Variants in SYNJ1 observed in about 807,000 individuals in gnomAD.
SYNJ1 encodes polyphosphatidylinositol phosphatase SYNJ1.
In SYNJ1, 78 loss-of-function variants were observed where a neutral mutation model predicts 168.2. That is an observed-to-expected ratio of 0.46 (90% CI 0.39 to 0.56). SYNJ1 has a LOEUF of 0.56. Among genes scored for constraint, SYNJ1 ranks in the 20% least tolerant of loss-of-function variants. SYNJ1 has a pLI of 0.00. For missense variants in SYNJ1, 1,303 were observed against 1,597.6 expected, an observed-to-expected ratio of 0.82 and a Z score of 3.14; for synonymous variants, 539 against 548.6, an observed-to-expected ratio of 0.98 and a Z score of 0.24.
At chr21:32,693,709 A>C (rs1336692947) in intron 6 of SYNJ1, among the ~76,000 whole-genome samples, 1 of 152,198 alleles carries the variant, frequency 6.6e-6, no homozygotes, top group Non-Finnish European at 1.5e-5. Flanking sequence ...AAGTGCTTTT[A>C]ATTTAATCCT....
At position 32,631,385 on chromosome 21, in the gene SYNJ1, C is replaced by T; in HGVS notation, c.*420G>A. 6.2e-7 allele frequency: 1 copy of T among 1,614,158 alleles called. No individual in the cohort carries two copies. Among genetic ancestry groups the T allele is most frequent in the Non-Finnish European group, 8.5e-7 (1 of 1,180,034 alleles). On this transcript the variant is annotated 3_prime_UTR_variant, in exon 33 of 33. Transcript: ENST00000674351. ...TGCTTTTGTTATGACCAAGAGGCTG[C>T]AGAGAAGGGAAAGGACTGATAGTAA...
At chr21:32,678,903 AG>A in intron 11 of SYNJ1, 102 bp from the exon 12 acceptor site, 2 of 1,467,284 alleles carry the variant, frequency 1.4e-6, no homozygotes, top group African/African-American at 1.5e-5. Flanking sequence ...ATATGATTTT[AG>A]TATAAAAAAG....
chr21:32,632,715 G>C (rs927075589), intron 32 of SYNJ1, among the ~76,000 whole-genome samples: 2 of 152,116 alleles, frequency 1.3e-5, no homozygotes, highest in African/African-American at 4.8e-5. Context: ...GCTCTCCTTT[G>C]TTGAATAAAC....
intron 2 of SYNJ1, among the ~76,000 whole-genome samples, chr21:32,719,835 A>C (rs1347777606): frequency 6.8e-6 from 1 of 147,724 alleles, no homozygotes; most frequent in African/African-American, 2.5e-5. Context: ...TTTTTTCTGC[A>C]TTTTTTTTTT....
chr21:32,676,222 G>T, intron 13 of SYNJ1, 110 bp downstream of exon 13: 1 of 803,868 alleles, frequency 1.2e-6, no homozygotes, highest in South Asian at 2.4e-5. Flanking sequence ...AGGATCTGAT[G>T]GCAAAATGAG....
At chr21:32,634,732 T>C (rs936788313) in intron 32 of SYNJ1, 129 bp downstream of exon 32, 14 of 917,058 alleles carry the variant, frequency 1.5e-5, no homozygotes, top group East Asian at 2.7e-5. Context: ...TATGGTATGA[T>C]AGAATTTATT....
At chr21:32,652,857 A>C (rs2040322956) in intron 22 of SYNJ1, among the ~76,000 whole-genome samples, 1 of 152,242 alleles carries the variant, frequency 6.6e-6, no homozygotes, top group African/African-American at 2.4e-5. Flanking sequence ...TGTTTGAAGA[A>C]GATAACTAGG....
intron 12 of SYNJ1, among the ~76,000 whole-genome samples, chr21:32,676,613 G>A (rs539667957): frequency 7.9e-5 from 12 of 152,286 alleles, no homozygotes; most frequent in African/African-American, 1.7e-4. Flanking sequence ...CTAGGCCTGC[G>A]CTTCTGGCTG....
At chr21:32,723,959 T>C (rs1221502076) in intron 2 of SYNJ1, among the ~76,000 whole-genome samples, 14 of 152,062 alleles carry the variant, frequency 9.2e-5, no homozygotes, top group Admixed American at 9.2e-4. Flanking sequence ...AAGACCTGAG[T>C]AGGACCTCGG....
chr21:32,694,403 C>T, intron 5 of SYNJ1, 92 bp from the exon 6 acceptor site: 15 of 888,046 alleles, frequency 1.7e-5, no homozygotes, highest in Non-Finnish European at 2.4e-5. Context: ...CTATTGCATA[C>T]TAGTTACATT....
chr21:32,646,223 T>G (rs975371121), intron 24 of SYNJ1, among the ~76,000 whole-genome samples, 170 bp downstream of exon 24: 2 of 152,250 alleles, frequency 1.3e-5, no homozygotes, highest in African/African-American at 2.4e-5. Flanking sequence ...GTGACAGTTA[T>G]AGCAAGTTTC....
intron 27 of SYNJ1, among the ~76,000 whole-genome samples, chr21:32,643,028 G>T (rs2039909945): frequency 6.6e-6 from 1 of 152,088 alleles, no homozygotes; most frequent in Non-Finnish European, 1.5e-5. Context: ...AATTAATAGG[G>T]TTTAATTATA....
At chr21:32,706,739 T>G (rs2146268451) in intron 2 of SYNJ1, among the ~76,000 whole-genome samples, 1 of 152,248 alleles carries the variant, frequency 6.6e-6, no homozygotes, top group Non-Finnish European at 1.5e-5. Flanking sequence ...GAAAAAAGAT[T>G]TCCTTATTTT....
Position 32,631,796 on chromosome 21 carries a change from T to C in SYNJ1, c.*9A>G, listed in dbSNP as rs758118019. ...TTTTGCCATCAGAGATTCCATTTGT[T>C]TTTACCTGCAAAAGAAAGGGAGCAC... On this transcript the variant is annotated 3_prime_UTR_variant, in exon 33 of 33. Transcript: ENST00000674351. 26 of 1,606,564 alleles carry C rather than the reference T, an allele frequency of 1.6e-5. No homozygotes were observed. Among genetic ancestry groups the C allele is most frequent in the Non-Finnish European group, 1.8e-5 (21 of 1,175,620 alleles).
At chr21:32,691,551 T>A (rs1373238535) in intron 6 of SYNJ1, among the ~76,000 whole-genome samples, 2 of 152,198 alleles carry the variant, frequency 1.3e-5, no homozygotes, top group Non-Finnish European at 2.9e-5. Context: ...GATCTGAGTA[T>A]TATAAGTTAT....
rs2145769010 is a variant in SYNJ1, at chr21:32,644,967, C to T, written c.3430+1G>A. The T allele has an allele frequency of 3.1e-6, 5 of 1,606,756 alleles. No homozygotes were observed. Among genetic ancestry groups the T allele is most frequent in the Non-Finnish European group, 4.2e-6 (5 of 1,177,412 alleles). ...ACATGCTAACAAATGTAAATGGTTA[C>T]CTCCAAATTCCTTTCTAGTGGGTGC... On this transcript the variant is annotated splice_donor_variant, in intron 26 of 32. Coordinates refer to ENST00000674351, the MANE Select transcript of SYNJ1 (RefSeq NM_203446.3). LOFTEE classifies it high-confidence loss of function.
intron 12 of SYNJ1, among the ~76,000 whole-genome samples, chr21:32,677,751 C>T (rs1271667652): frequency 6.6e-6 from 1 of 152,168 alleles, no homozygotes; most frequent in East Asian, 1.9e-4. Context: ...TACCTTTAGG[C>T]ACCATGCAAA....
intron 2 of SYNJ1, 75 bp from the exon 3 acceptor site, chr21:32,702,122 G>T: frequency 1.8e-6 from 2 of 1,084,138 alleles, no homozygotes; most frequent in Non-Finnish European, 2.7e-6. Context: ...TAAATCCAGA[G>T]TTTCAATCAA....
At chr21:32,649,496 AATC>A in intron 23 of SYNJ1, among the ~76,000 whole-genome samples, 1 of 152,348 alleles carries the variant, frequency 6.6e-6, no homozygotes, top group South Asian at 2.1e-4. Flanking sequence ...TGCATTTTTA[AATC>A]ATGTTTAAGG....
Sources: allele counts gnomAD v4.1 joint callset (sites outside exome capture counted in the v4.1 genomes callset), GRCh38; gene constraint gnomAD v4.1.1; transcripts MANE v1.5; gene names NCBI Gene and HGNC (gene_info 2026-07-23, HGNC 2026-07-21).